NRF1: variants seen among roughly 807,000 people sequenced by gnomAD.
NRF1 encodes nuclear respiratory factor 1.
NRF1 carries 5 observed loss-of-function variants against 58.5 expected under a neutral mutation model. That is an observed-to-expected ratio of 0.09 (90% CI 0.04 to 0.18). The LOEUF (loss-of-function observed/expected upper bound fraction) is 0.18. Among genes scored for constraint, NRF1 ranks in the 10% least tolerant of loss-of-function variants. The pLI is 1.00. For synonymous variants in NRF1, 224 were observed against 246.7 expected (o/e 0.91, Z 0.86); for missense variants, 288 against 657.7 (o/e 0.44, Z 6.15).
intron 2 of NRF1, among the ~76,000 whole-genome samples, chr7:129,668,388 A>T (rs970057993): frequency 6.6e-6 from 1 of 152,216 alleles, no homozygotes; most frequent in African/African-American, 2.4e-5. Context: ...ATGTGGTAGG[A>T]TGAATGCCTT....
chr7:129,695,330 A>G (rs1246008774), intron 5 of NRF1, among the ~76,000 whole-genome samples: 3 of 152,038 alleles, frequency 2.0e-5, no homozygotes, highest in African/African-American at 7.2e-5. Context: ...TAATCACAGC[A>G]CTTTGAGAGG....
intron 6 of NRF1, 45 bp downstream of exon 6, chr7:129,709,278 A>C: frequency 7.2e-7 from 1 of 1,397,186 alleles, no homozygotes; most frequent in Non-Finnish European, 9.4e-7. Context: ...TTTCCATCCT[A>C]AATTAACCAC....
chr7:129,649,414 C>T (rs1433874382), intron 1 of NRF1, among the ~76,000 whole-genome samples: 2 of 152,156 alleles, frequency 1.3e-5, no homozygotes, highest in African/African-American at 4.8e-5. Context: ...ATTGATTAGA[C>T]TAATGCTTTC....
chr7:129,750,151 C>T (rs1454590793), intron 10 of NRF1, among the ~76,000 whole-genome samples: 1 of 152,148 alleles, frequency 6.6e-6, no homozygotes, highest in Admixed American at 6.5e-5. Context: ...GAAAAAGGAG[C>T]ACTTCCACCC....
intron 5 of NRF1, 91 bp from the exon 6 acceptor site, chr7:129,708,984 C>G: frequency 3.5e-6 from 4 of 1,132,078 alleles, no homozygotes; most frequent in Non-Finnish European, 4.7e-6. Flanking sequence ...TCCTGGAAAC[C>G]TCTCTGTTTT....
intron 10 of NRF1, among the ~76,000 whole-genome samples, chr7:129,754,088 C>A (rs892417999): frequency 6.6e-6 from 1 of 152,116 alleles, no homozygotes; most frequent in Non-Finnish European, 1.5e-5. Flanking sequence ...GGCCCTCTCA[C>A]GGCAAGCTGG....
At chr7:129,692,088 A>T (rs1584645423) in intron 5 of NRF1, among the ~76,000 whole-genome samples, 2 of 151,986 alleles carry the variant, frequency 1.3e-5, no homozygotes, top group Admixed American at 1.3e-4. Flanking sequence ...CTCCCTCCAC[A>T]TTCCCCTGCC....
At chr7:129,651,946 G>T (rs1454778610) in intron 1 of NRF1, among the ~76,000 whole-genome samples, 1 of 152,166 alleles carries the variant, frequency 6.6e-6, no homozygotes, top group Non-Finnish European at 1.5e-5. Flanking sequence ...TGCAAGAATA[G>T]TACAAAGAAT....
intron 10 of NRF1, among the ~76,000 whole-genome samples, chr7:129,747,934 C>A (rs2116315523): frequency 6.6e-6 from 1 of 152,270 alleles, no homozygotes; most frequent in African/African-American, 2.4e-5. Context: ...ATTTTCATAT[C>A]ATATTCAATT....
At chr7:129,631,744 A>G (rs1056502629) in intron 1 of NRF1, among the ~76,000 whole-genome samples, 1 of 152,254 alleles carries the variant, frequency 6.6e-6, no homozygotes, top group Non-Finnish European at 1.5e-5. Flanking sequence ...AGACTGTTTA[A>G]AACTGACCAA....
intron 2 of NRF1, among the ~76,000 whole-genome samples, chr7:129,670,669 G>T (rs929520848): frequency 2.0e-5 from 3 of 152,138 alleles, no homozygotes. Flanking sequence ...ATATGTTGAG[G>T]TCCCAGGAAT....
At chr7:129,748,233 C>A (rs1804026305) in intron 10 of NRF1, among the ~76,000 whole-genome samples, 1 of 139,852 alleles carries the variant, frequency 7.2e-6, no homozygotes, top group African/African-American at 2.6e-5. Context: ...CGAGATCAGG[C>A]CACTGCACTC....
At chr7:129,753,877 G>A (rs1285498678) in intron 10 of NRF1, among the ~76,000 whole-genome samples, 2 of 152,158 alleles carry the variant, frequency 1.3e-5, no homozygotes, top group Non-Finnish European at 2.9e-5. Flanking sequence ...CGGAGCAGTG[G>A]CCAGAAGACA....
chr7:129,631,266 A>T (rs1472842105), intron 1 of NRF1, among the ~76,000 whole-genome samples: 2 of 147,686 alleles, frequency 1.4e-5, no homozygotes, highest in Non-Finnish European at 3.0e-5. Context: ...CAGGGTCTTG[A>T]TTTGTTACCC....
At position 129,755,309 on chromosome 7, in the gene NRF1, T is replaced by A. The variant is rs540622556; in HGVS notation, c.*128T>A. 1.4e-4 allele frequency: 106 copies of A among 781,736 alleles called. No individual in the cohort carries two copies. Among genetic ancestry groups the A allele is most frequent in the African/African-American group, 3.6e-4 (20 of 54,844 alleles). 48.4% of individuals were successfully genotyped at this position (781,736 alleles called of 1,614,324 possible). A position where few individuals can be genotyped will look rare whatever the true frequency, so the allele number is the denominator to read the frequency against. On this transcript the variant is annotated 3_prime_UTR_variant, in exon 11 of 11. Transcript: ENST00000393232. The surrounding 1 kb of genome is among the most constrained non-coding windows in gnomAD (Gnocchi z 5.8). ...AAAGTTTTGTTAACCTTTTTTTTTTTAAAAGGAAGAAAGCGGATTTTGGAA... is the reference window on the plus strand; with the variant it reads ...AAAGTTTTGTTAACCTTTTTTTTTTAAAAAGGAAGAAAGCGGATTTTGGAA...
chr7:129,658,655 A>G (rs1801714478), intron 2 of NRF1, among the ~76,000 whole-genome samples: 1 of 151,412 alleles, frequency 6.6e-6, no homozygotes, highest in African/African-American at 2.4e-5. Flanking sequence ...TTTAACCTCT[A>G]CAGGGATAAT....
intron 1 of NRF1, among the ~76,000 whole-genome samples, chr7:129,653,984 T>C (rs2151073956): frequency 6.6e-6 from 1 of 152,326 alleles, no homozygotes; most frequent in South Asian, 2.1e-4. Context: ...TTTGGGTCAA[T>C]ACAAAGGCGT....
intron 10 of NRF1, among the ~76,000 whole-genome samples, chr7:129,746,868 A>G (rs914637859): frequency 2.6e-5 from 4 of 152,210 alleles, no homozygotes; most frequent in African/African-American, 2.4e-5. Flanking sequence ...CTCAACAGCC[A>G]TCAATATTTT....
At chr7:129,704,578 C>CGTTGGA (rs1193415820) in intron 5 of NRF1, among the ~76,000 whole-genome samples, 1 of 152,016 alleles carries the variant, frequency 6.6e-6, no homozygotes, top group Non-Finnish European at 1.5e-5. Flanking sequence ...ACCAGAAGTA[C>CGTTGGA]GTTGGATTTC....
Sources: gnomAD v4.1 joint callset for allele counts (sites outside exome capture counted in the v4.1 genomes callset) on GRCh38, gnomAD v4.1.1 for gene constraint, Gnocchi (gnomAD v3.1) non-coding constraint, MANE v1.5 for transcripts, NCBI Gene and HGNC (gene_info 2026-07-23, HGNC 2026-07-21) for gene names.